CDH4: variants seen among roughly 807,000 people sequenced by gnomAD.
CDH4 encodes cadherin-4.
Under a neutral mutation model 86.0 loss-of-function variants are expected in CDH4, and 33 were observed. The ratio of observed to expected loss-of-function variants is 0.38; its 90% CI spans 0.29 to 0.51. The LOEUF is 0.51. Ranked by LOEUF, CDH4 falls within the 20% of genes least tolerant of loss-of-function variation. The pLI, the probability that CDH4 is intolerant of heterozygous loss-of-function variation, is 0.86. For synonymous variants in CDH4, 555 were observed against 549.4 expected, an observed-to-expected ratio of 1.01 and a Z score of -0.14; for missense variants, 1,114 against 1,307.4, an observed-to-expected ratio of 0.85 and a Z score of 2.28.
Position 61,806,310 on chromosome 20 carries a change from C to T in CDH4, c.576+33128C>T, listed in dbSNP as rs551734857. 3.3e-5 allele frequency among the ~76,000 whole-genome samples: 5 copies of T among 152,304 alleles called. No individual in the cohort carries two copies. In the East Asian group the frequency reaches 9.7e-4, roughly 29 times the overall value. On this transcript the variant is annotated intron_variant, in intron 4 of 15. Transcript: ENST00000614565. ...GATGAGGAGGGGGGCGTCCACAGGG[C>T]TAAGGAAGCCTACCCAAAGCCTCAT...
chr20:61,438,084 G>C (rs1005408343), intron 2 of CDH4, among the ~76,000 whole-genome samples: 3 of 152,334 alleles, frequency 2.0e-5, no homozygotes, highest in Admixed American at 1.3e-4. Flanking sequence ...GGTTTGCCCA[G>C]TGGGCTATCG....
chr20:61,693,385 C>T (rs962369064), intron 2 of CDH4, among the ~76,000 whole-genome samples: 17 of 152,150 alleles, frequency 1.1e-4, no homozygotes, highest in African/African-American at 3.9e-4. Flanking sequence ...GTAAGGGGAG[C>T]GGCTTTAGCT....
At chr20:61,537,068 CAGGG>C (rs1164394243) in intron 2 of CDH4, among the ~76,000 whole-genome samples, 1 of 152,186 alleles carries the variant, frequency 6.6e-6, no homozygotes, top group Non-Finnish European at 1.5e-5. Context: ...CCCCTCCCTG[CAGGG>C]CTGGTAGACA....
intron 2 of CDH4, among the ~76,000 whole-genome samples, chr20:61,584,951 C>A (rs1217683547): frequency 6.6e-6 from 1 of 152,210 alleles, no homozygotes; most frequent in Non-Finnish European, 1.5e-5. Flanking sequence ...GGGCATTTCC[C>A]TGGAAAGCCA....
intron 2 of CDH4, chr20:61,370,184 G>C (rs957585353): frequency 6.6e-6 from 1 of 152,472 alleles, no homozygotes; most frequent in African/African-American, 2.4e-5. Flanking sequence ...AGGGTGGGTG[G>C]CCCTGGGAAG....
intron 2 of CDH4, among the ~76,000 whole-genome samples, chr20:61,553,520 A>T (rs1232642888): frequency 6.6e-6 from 1 of 152,196 alleles, no homozygotes; most frequent in Non-Finnish European, 1.5e-5. Flanking sequence ...ACGTGTGAAC[A>T]TCCTTGTGCA....
intron 4 of CDH4, among the ~76,000 whole-genome samples, chr20:61,818,059 T>C (rs549735305): frequency 7.0e-4 from 107 of 152,096 alleles, no homozygotes; most frequent in African/African-American, 2.4e-3. Context: ...AGACGGAGTC[T>C]CGCTCTGTCA....
At chr20:61,742,450 A>G (rs2088353793) in intron 2 of CDH4, among the ~76,000 whole-genome samples, 1 of 152,248 alleles carries the variant, frequency 6.6e-6, no homozygotes, top group Admixed American at 6.5e-5. Flanking sequence ...GTAAAAGGTG[A>G]ATGCGAGGGG....
At chr20:61,914,101 C>T (rs926380062) in intron 9 of CDH4, among the ~76,000 whole-genome samples, 11 of 152,206 alleles carry the variant, frequency 7.2e-5, no homozygotes, top group African/African-American at 9.6e-5. Flanking sequence ...CTCCTGCCCC[C>T]CCACAGCCAG....
chr20:61,840,581 C>T (rs1982115758), intron 4 of CDH4, among the ~76,000 whole-genome samples: 1 of 152,234 alleles, frequency 6.6e-6, no homozygotes, highest in Non-Finnish European at 1.5e-5. Flanking sequence ...TCTGTTCTGT[C>T]CTCTAATAAC....
intron 2 of CDH4, among the ~76,000 whole-genome samples, chr20:61,666,443 T>C (rs544333040): frequency 8.5e-5 from 13 of 152,330 alleles, no homozygotes; most frequent in African/African-American, 3.1e-4. Flanking sequence ...CCACTGGCAG[T>C]GCACAGGCAT....
rs1235034627 is a variant in CDH4 at position 61,417,623 on chromosome 20, T to C, written c.169+162686T>C. Among the ~76,000 whole-genome samples, 1 of 152,232 alleles carries C rather than the reference T, an allele frequency of 6.6e-6. No individual in the cohort carries two copies. The highest frequency in any genetic ancestry group is 1.5e-5 in the Non-Finnish European group (1 of 68,044). On this transcript the variant is annotated intron_variant, in intron 2 of 15. Coordinates refer to ENST00000614565, the MANE Select transcript of CDH4 (RefSeq NM_001794.5). The surrounding 1 kb of genome is among the most constrained non-coding windows in gnomAD (Gnocchi z 4.0). ...TCTGTATCGCTATCTAGCAGGGCTG[T>C]AAATTGGCAGCGTGGATTGGGGAGC...
chr20:61,745,236 T>A (rs2088399694), intron 3 of CDH4, among the ~76,000 whole-genome samples: 1 of 152,226 alleles, frequency 6.6e-6, no homozygotes, highest in Non-Finnish European at 1.5e-5. Context: ...ATGACTCATG[T>A]GCTGTGTAAG....
intron 2 of CDH4, among the ~76,000 whole-genome samples, chr20:61,338,129 G>A (rs1276415858): frequency 4.6e-5 from 7 of 152,086 alleles, no homozygotes; most frequent in Admixed American, 2.0e-4. Flanking sequence ...AAAAAGTCAC[G>A]GGGCTCAGTT....
In CDH4 at chr20:61,910,503, C is replaced by T. The variant is rs141404094; in HGVS notation, c.1270C>T (p.Pro424Ser). 6 of 1,614,024 alleles carry T rather than the reference C, an allele frequency of 3.7e-6. No individual in the cohort carries two copies. The highest frequency in any genetic ancestry group is 4.2e-6 in the Non-Finnish European group (5 of 1,180,036). Residue 424 changes from proline to serine, a missense_variant, in exon 9 of 16, where the codon CCA becomes TCA. Pro to Ser is a moderately conservative substitution (Grantham distance 74, BLOSUM62 -1). This residue lies in a region of CDH4 where 705 missense variants were observed against 914.1 expected (regional missense o/e 0.77). Transcript: ENST00000614565. ...GATGGACCGAGATCAGCCCCACTCT[C>T]CAAACTGGAATGCCGTTTACCGCAT... is the stretch of plus-strand genomic sequence containing the variant. Reference protein sequence around the residue: ...TVMDRDQPHSPNWNAVYRIIS... With the variant: ...TVMDRDQPHSSNWNAVYRIIS...
chr20:61,386,112 G>A (rs893020109), intron 2 of CDH4, among the ~76,000 whole-genome samples: 1 of 152,192 alleles, frequency 6.6e-6, no homozygotes, highest in African/African-American at 2.4e-5. Context: ...TGACAAGGGT[G>A]TGTAGGGGTG....
chr20:61,804,940 C>A (rs1255828581), intron 4 of CDH4, among the ~76,000 whole-genome samples: 1 of 152,228 alleles, frequency 6.6e-6, no homozygotes, highest in African/African-American at 2.4e-5. Context: ...GGCGCTCAGA[C>A]AATGCCAGAG....
chr20:61,779,779 T>A (rs1280317800), intron 4 of CDH4, among the ~76,000 whole-genome samples: 1 of 152,228 alleles, frequency 6.6e-6, no homozygotes, highest in African/African-American at 2.4e-5. Context: ...GAGCTGGGTC[T>A]GCATCCCGAG....
At chr20:61,499,292 C>T (rs754096953) in intron 2 of CDH4, 32 of 409,618 alleles carry the variant, frequency 7.8e-5, no homozygotes, top group Admixed American at 3.5e-4. Flanking sequence ...CCCGGACCTT[C>T]ATGCTGCTCA....
Sources: gnomAD v4.1 joint callset for allele counts (sites outside exome capture counted in the v4.1 genomes callset) on GRCh38, gnomAD v4.1.1 for gene constraint, gnomAD v4.1.1 regional missense constraint, Gnocchi (gnomAD v3.1) non-coding constraint, MANE v1.5 for transcripts, NCBI Gene and HGNC (gene_info 2026-07-23, HGNC 2026-07-21) for gene names.